NLRP14: variants seen among roughly 807,000 people sequenced by gnomAD.
NLRP14 encodes NLR family pyrin domain containing 14, also known as NACHT, LRR and PYD domains-containing protein 14.
In NLRP14, 105 loss-of-function variants were observed where a neutral mutation model predicts 94.7. The ratio of observed to expected loss-of-function variants is 1.11; its 90% CI spans 0.95 to 1.30. The LOEUF (loss-of-function observed/expected upper bound fraction) is 1.30. NLRP14 is among the 50% of genes most tolerant of loss of function. NLRP14 has a pLI of 0.00. For synonymous variants in NLRP14, 508 were observed against 459.9 expected (o/e 1.10, Z -1.34); for missense variants, 1,362 against 1,254.1 (o/e 1.09, Z -1.30).
chr11:7,056,700 T>C (rs1852521131), intron 6 of NLRP14, among the ~76,000 whole-genome samples: 2 of 151,946 alleles, frequency 1.3e-5, no homozygotes, highest in African/African-American at 4.8e-5. Context: ...CTTCCAAGAT[T>C]TGGAAGCAAC....
At chr11:7,047,576 G>A (rs1236096368) in intron 5 of NLRP14, among the ~76,000 whole-genome samples, 1 of 151,976 alleles carries the variant, frequency 6.6e-6, no homozygotes, top group Non-Finnish European at 1.5e-5. Context: ...AAAGTGCTGG[G>A]ATTACAGGCA....
chr11:7,033,166 A>C (rs1292812554), intron 1 of NLRP14, among the ~76,000 whole-genome samples: 1 of 152,002 alleles, frequency 6.6e-6, no homozygotes, highest in African/African-American at 2.4e-5. Flanking sequence ...CTATAGATGA[A>C]CTCTTGGATC....
intron 10 of NLRP14, among the ~76,000 whole-genome samples, chr11:7,063,461 C>A (rs745680877): frequency 1.3e-5 from 2 of 152,036 alleles, no homozygotes; most frequent in Non-Finnish European, 2.9e-5. Flanking sequence ...CAGTAATAAG[C>A]CTGCTGTTTG....
At chr11:7,073,316 G>A (rs1852829229), downstream of NLRP14, among the ~76,000 whole-genome samples, 1 of 152,164 alleles carries the variant, frequency 6.6e-6, no homozygotes, top group South Asian at 2.1e-4. Context: ...CTCCTTGTCT[G>A]TGGGAGAAAA....
chr11:7,057,949 G>T, intron 7 of NLRP14, 102 bp downstream of exon 7: 1 of 938,410 alleles, frequency 1.1e-6, no homozygotes, highest in Non-Finnish European at 1.8e-6. Context: ...GCACTAACTG[G>T]CTCGTTTGTC....
the NLRP14 span, chr11:7,089,093 C>A: frequency 6.2e-7 from 1 of 1,606,308 alleles, no homozygotes. Flanking sequence ...CCTCCCACCG[C>A]CACTGACCGA....
At chr11:7,088,689 G>GTAA in the NLRP14 span, among the ~76,000 whole-genome samples, 132,976 of 151,878 alleles carry the variant, frequency 0.88, 58,278 homozygotes, top group East Asian at 0.94. Context: ...AATAATTTTA[G>GTAA]TAATTTAAAA....
chr11:7,043,275 A>C lies in NLRP14; in HGVS notation c.1249A>C (p.Ser417Arg). 6.2e-7 allele frequency: 1 copy of C among 1,614,174 alleles called. No homozygotes were observed. The highest frequency in any genetic ancestry group is 8.5e-7 in the Non-Finnish European group (1 of 1,180,024). The change falls in exon 4 of 12, where the codon AGT becomes CGT. Residue 417 changes from serine to arginine, a missense_variant. Coordinates refer to ENST00000299481, the MANE Select transcript of NLRP14 (RefSeq NM_176822.4). ...LFTPVDGGSPSLPNQAQLRRL... is the reference protein window; with the variant it reads ...LFTPVDGGSPRLPNQAQLRRL... ...CACACCAGTAGATGGAGGCTCTCCT[A>C]GTCTACCCAACCAAGCCCAGCTGAG...
chr11:7,060,679 C>T (rs546168568), intron 9 of NLRP14, among the ~76,000 whole-genome samples: 1 of 152,108 alleles, frequency 6.6e-6, no homozygotes, highest in South Asian at 2.1e-4. Context: ...CAATATCCTA[C>T]ACATTTTTAA....
chr11:7,025,196 G>C (rs553059986), intron 1 of NLRP14, among the ~76,000 whole-genome samples: 94 of 152,174 alleles, frequency 6.2e-4, no homozygotes, highest in Non-Finnish European at 2.4e-4. Flanking sequence ...TAGGTAAAAA[G>C]GGTAAGTTAT....
intron 9 of NLRP14, 143 bp downstream of exon 9, chr11:7,060,207 C>A: frequency 1.3e-6 from 1 of 771,692 alleles, no homozygotes; most frequent in Non-Finnish European, 2.2e-6. Context: ...CTGAGACAAG[C>A]TGGGGAAGTC....
intron 6 of NLRP14, among the ~76,000 whole-genome samples, chr11:7,050,065 C>G (rs1040437597): frequency 1.3e-5 from 2 of 151,932 alleles, no homozygotes; most frequent in Non-Finnish European, 2.9e-5. Context: ...CTCTGTGTCT[C>G]CATCTCCTAA....
intron 1 of NLRP14, among the ~76,000 whole-genome samples, chr11:7,023,875 A>C (rs1472392054): frequency 6.6e-6 from 1 of 151,986 alleles, no homozygotes; most frequent in Non-Finnish European, 1.5e-5. Context: ...ACTTAACCAG[A>C]TATCATGAGA....
At position 7,038,830 on chromosome 11, in the gene NLRP14, A is replaced by G. The variant is rs1852201989; in HGVS notation, c.244A>G (p.Met82Val). The G allele has an allele frequency of 6.2e-7, 1 of 1,613,292 alleles. No individual in the cohort carries two copies. The highest frequency in any genetic ancestry group is 8.5e-7 in the Non-Finnish European group (1 of 1,179,814). ...WSVSLKIFGK[M>V]NLKDLCERAK... ...TGTGTCTCTCAAAATCTTTGGCAAG[A>G]TGAACCTGAAGGATCTGTGTGAGAG... is the stretch of plus-strand genomic sequence containing the variant. The change falls in exon 2 of 12, where the codon ATG becomes GTG. Residue 82 changes from methionine (M) to valine (V), a missense_variant. Coordinates refer to ENST00000299481, the MANE Select transcript of NLRP14 (RefSeq NM_176822.4).
At chr11:7,039,852 T>C (rs1852221540) in intron 3 of NLRP14, 67 bp downstream of exon 3, 1 of 1,198,914 alleles carries the variant, frequency 8.3e-7, no homozygotes, top group South Asian at 1.2e-5. Flanking sequence ...CGGTGATTTA[T>C]CTCCCGAGGA....
chr11:7,084,356 C>T, the NLRP14 span, among the ~76,000 whole-genome samples: 5 of 152,004 alleles, frequency 3.3e-5, no homozygotes, highest in East Asian at 1.9e-4. Flanking sequence ...GATAGGAGTA[C>T]GCTTTGTTTT....
chr11:7,052,427 A>G (rs111327517), intron 6 of NLRP14, among the ~76,000 whole-genome samples: 8,527 of 152,212 alleles, frequency 0.056, 506 homozygotes, highest in African/African-American at 0.14. Context: ...GAGGCCAGTA[A>G]TTTGAGACCA....
chr11:7,042,849 C>T lies in NLRP14; in HGVS notation c.823C>T (p.Leu275=). 2.5e-6 allele frequency: 4 copies of T among 1,614,206 alleles called. No homozygotes were observed. The highest frequency in any genetic ancestry group is 2.2e-5 in the East Asian group (1 of 44,886). The change falls in exon 4 of 12, where the codon CTG becomes TTG. Residue 275 remains leucine (L), a synonymous_variant. Coordinates refer to ENST00000299481, the MANE Select transcript of NLRP14 (RefSeq NM_176822.4). ...TGCCTTTGAAGAACCTGAGTTTGCA[C>T]TGTGCGAAGACTGGACCCAAGAACA... is the stretch of plus-strand genomic sequence containing the variant. ...NFAFEEPEFA[L]CEDWTQEHPV... is the part of the protein sequence containing the mutation.
intron 3 of NLRP14, among the ~76,000 whole-genome samples, chr11:7,040,051 A>T (rs1852224620): frequency 6.6e-6 from 1 of 152,172 alleles, no homozygotes. Context: ...ATTAATGTTT[A>T]TATTTTATGG....
Sources: gnomAD v4.1 joint callset for allele counts (sites outside exome capture counted in the v4.1 genomes callset) on GRCh38, gnomAD v4.1.1 for gene constraint, MANE v1.5 for transcripts, NCBI Gene and HGNC (gene_info 2026-07-23, HGNC 2026-07-21) for gene names.